The following PPP1R13B variants were observed in gnomAD, a reference collection of about 807,000 sequenced individuals.
PPP1R13B encodes protein phosphatase 1 regulatory subunit 13B.
Under a neutral mutation model 119.8 loss-of-function variants are expected in PPP1R13B, and 44 were observed. That is an observed-to-expected ratio of 0.37 (90% CI 0.29 to 0.47). PPP1R13B has a LOEUF of 0.47. PPP1R13B is among the 20% of genes least tolerant of loss of function. The pLI is 0.99. For synonymous variants in PPP1R13B, 542 were observed against 561.5 expected (o/e 0.97, Z 0.49); for missense variants, 1,227 against 1,413.5 (o/e 0.87, Z 2.12).
chr14:103,786,799 G>A (rs1269683236), intron 2 of PPP1R13B, among the ~76,000 whole-genome samples: 2 of 142,654 alleles, frequency 1.4e-5, no homozygotes, highest in African/African-American at 2.7e-5. Context: ...GGCTGGTCAT[G>A]GTGGTGCACG....
At chr14:103,777,718 T>C (rs1419975426) in intron 4 of PPP1R13B, among the ~76,000 whole-genome samples, 1 of 150,100 alleles carries the variant, frequency 6.7e-6, no homozygotes, top group Admixed American at 6.7e-5. Flanking sequence ...AAATATTCAA[T>C]AGAAATGACA....
chr14:103,782,150 C>T (rs2085352690), intron 3 of PPP1R13B, among the ~76,000 whole-genome samples: 1 of 152,112 alleles, frequency 6.6e-6, no homozygotes, highest in East Asian at 1.9e-4. Flanking sequence ...TCCCCAGTTG[C>T]GTAGATATCT....
chr14:103,746,042 G>A lies in PPP1R13B; in HGVS notation c.1150+331C>T, dbSNP rs149368907. 6.0e-3 allele frequency among the ~76,000 whole-genome samples: 914 copies of A among 152,304 alleles called. 13 individuals carry two copies. The highest frequency in any genetic ancestry group is 0.021 in the African/African-American group (880 of 41,570). On this transcript the variant is annotated intron_variant, in intron 9 of 16. Coordinates refer to ENST00000202556, the MANE Select transcript of PPP1R13B (RefSeq NM_015316.3). ...GCTGGTCTTGAACTCCTGACCTCAG[G>A]TGATCCACCCGCCTTGGCCTCCCAA...
chr14:103,806,089 G>A (rs1377154592), intron 1 of PPP1R13B, among the ~76,000 whole-genome samples: 1 of 152,184 alleles, frequency 6.6e-6, no homozygotes, highest in Non-Finnish European at 1.5e-5. Context: ...AAGGAATTCA[G>A]AAACTTGACT....
At chr14:103,830,482 T>A (rs2086642948) in intron 1 of PPP1R13B, among the ~76,000 whole-genome samples, 1 of 152,106 alleles carries the variant, frequency 6.6e-6, no homozygotes, top group South Asian at 2.1e-4. Context: ...ATTTTATAGA[T>A]GAGGAAACTG....
chr14:103,750,878 G>A (rs1403888140), intron 7 of PPP1R13B, among the ~76,000 whole-genome samples: 1 of 151,948 alleles, frequency 6.6e-6, no homozygotes, highest in Non-Finnish European at 1.5e-5. Flanking sequence ...GTTGCAGGCT[G>A]GGCGCAGTGG....
intron 1 of PPP1R13B, among the ~76,000 whole-genome samples, chr14:103,841,458 C>T (rs1291532407): frequency 6.7e-6 from 1 of 149,988 alleles, no homozygotes; most frequent in Non-Finnish European, 1.5e-5. Context: ...GGCATGGTGG[C>T]GGGCGCCTGT....
Position 103,784,934 on chromosome 14 carries a change from T to G in PPP1R13B, c.158-20A>C. Reference sequence around the variant, plus strand: ...GACGTTCTAGGAAAAAGACCACATCTTTTTTACTCCAGAATTAAAATGACT... The same window carrying G: ...GACGTTCTAGGAAAAAGACCACATCGTTTTTACTCCAGAATTAAAATGACT... On this transcript the variant is annotated intron_variant, in intron 2 of 16. Coordinates refer to ENST00000202556, the MANE Select transcript of PPP1R13B (RefSeq NM_015316.3). 6.5e-7 allele frequency: 1 copy of G among 1,544,642 alleles called. No individual in the cohort carries two copies. Among genetic ancestry groups the G allele is most frequent in the Non-Finnish European group, 8.8e-7 (1 of 1,135,426 alleles).
chr14:103,753,706 G>GT (rs2084604791), intron 6 of PPP1R13B, among the ~76,000 whole-genome samples: 1 of 152,124 alleles, frequency 6.6e-6, no homozygotes, highest in African/African-American at 2.4e-5. Flanking sequence ...TGGTACCAAC[G>GT]TAACAAGAGG....
At chr14:103,831,958 T>C (rs1263443107) in intron 1 of PPP1R13B, among the ~76,000 whole-genome samples, 1 of 151,640 alleles carries the variant, frequency 6.6e-6, no homozygotes. Flanking sequence ...CACCAAAAAT[T>C]AGCCAGGGAT....
chr14:103,791,963 T>C (rs1466177191), intron 2 of PPP1R13B, among the ~76,000 whole-genome samples: 1 of 152,228 alleles, frequency 6.6e-6, no homozygotes. Flanking sequence ...TTAGTAGCTT[T>C]ATTTTTAGTT....
At position 103,733,894 on chromosome 14, in the gene PPP1R13B, T is replaced by G. The variant is rs964565157; in HGVS notation, c.*1260A>C. 6 of 153,634 alleles carry G rather than the reference T, an allele frequency of 3.9e-5. No homozygotes were observed. Among genetic ancestry groups the G allele is most frequent in the Non-Finnish European group, 7.3e-5 (5 of 68,938 alleles). 9.5% of individuals were successfully genotyped at this position (153,634 alleles called of 1,614,324 possible). ...ACTATGTACAGTCAGTGCTCCAAGG[T>G]GATGGGCTACAGTGCTGCATCAGTG... On this transcript the variant is annotated 3_prime_UTR_variant, in exon 17 of 17. Transcript: ENST00000202556.
intron 4 of PPP1R13B, among the ~76,000 whole-genome samples, chr14:103,772,761 C>T (rs188013812): frequency 2.0e-3 from 310 of 152,086 alleles, no homozygotes; most frequent in Non-Finnish European, 3.8e-3. Context: ...CAACCTCCAC[C>T]TCCCAAGTTC....
rs147956146 is a variant in PPP1R13B, at chr14:103,778,206, G to A, written c.354+539C>T. Among the ~76,000 whole-genome samples the A allele has an allele frequency of 6.7e-3, 883 of 132,718 alleles. 11 individuals carry two copies. The highest frequency in any genetic ancestry group is 0.025 in the African/African-American group (829 of 32,814). 87.1% of individuals were successfully genotyped at this position (132,718 alleles called of 152,430 possible). A position where few individuals can be genotyped will look rare whatever the true frequency, so the allele number is the denominator to read the frequency against. ...TGACCTCAGGGGATCTGCCCGCCTC[G>A]GCCTCCCAAAATGCTGGGATTTACA... On this transcript the variant is annotated intron_variant, in intron 4 of 16. Transcript: ENST00000202556.
intron 1 of PPP1R13B, among the ~76,000 whole-genome samples, chr14:103,837,500 T>TCTCC (rs2086804928): frequency 6.6e-6 from 1 of 151,868 alleles, no homozygotes; most frequent in African/African-American, 2.4e-5. Flanking sequence ...ATTCCAGCTA[T>TCTCC]CTCCCTCCCT....
chr14:103,826,626 A>G lies in PPP1R13B; in HGVS notation c.9+20673T>C, dbSNP rs561553566. 2.6e-5 allele frequency among the ~76,000 whole-genome samples: 4 copies of G among 151,474 alleles called. No individual in the cohort carries two copies. In the Admixed American group the frequency reaches 2.6e-4, roughly 10 times the overall value. On this transcript the variant is annotated intron_variant, in intron 1 of 16. Coordinates refer to ENST00000202556, the MANE Select transcript of PPP1R13B (RefSeq NM_015316.3). ...AAAAGTACAAAGCAGTTAAGTTTAG[A>G]TTATGGTAGGTATAGGCCATGCACA...
chr14:103,782,559 C>T (rs2085361284), intron 3 of PPP1R13B, among the ~76,000 whole-genome samples: 1 of 152,212 alleles, frequency 6.6e-6, no homozygotes, highest in Non-Finnish European at 1.5e-5. Flanking sequence ...AAATTTCCTT[C>T]TATAGAAGGT....
chr14:103,768,703 G>A (rs557398674), intron 4 of PPP1R13B, among the ~76,000 whole-genome samples: 61 of 152,256 alleles, frequency 4.0e-4, no homozygotes, highest in Admixed American at 1.8e-3. Context: ...CCAAAGTGCT[G>A]GGATTACAGG....
intron 15 of PPP1R13B, 168 bp downstream of exon 15, chr14:103,737,526 T>C: frequency 4.7e-6 from 4 of 859,694 alleles, no homozygotes; most frequent in Non-Finnish European, 6.8e-6. Flanking sequence ...CAGTGAGCCA[T>C]GATTGCGACA....
Sources: allele counts gnomAD v4.1 joint callset (sites outside exome capture counted in the v4.1 genomes callset), GRCh38; gene constraint gnomAD v4.1.1; transcripts MANE v1.5; gene names NCBI Gene and HGNC (gene_info 2026-07-23, HGNC 2026-07-21).